The following AASS variants were observed in gnomAD, a reference collection of about 807,000 sequenced individuals.
AASS encodes alpha-aminoadipic semialdehyde synthase, mitochondrial.
A neutral mutation model predicts 105.4 loss-of-function variants in AASS; 86 were observed. The ratio of observed to expected loss-of-function variants is 0.82; its 90% CI spans 0.69 to 0.98. The LOEUF is 0.98. Ranked by LOEUF, AASS falls within the 50% of genes least tolerant of loss-of-function variation. The probability of loss-of-function intolerance (pLI) is 0.00; values close to 1 mark genes in which losing one functional copy is unlikely to be tolerated. For synonymous variants in AASS, 381 were observed against 394.8 expected, an observed-to-expected ratio of 0.96 and a Z score of 0.41; for missense variants, 1,048 against 1,143.2, an observed-to-expected ratio of 0.92 and a Z score of 1.20.
At position 122,077,993 on chromosome 7, in the gene AASS, A is replaced by T; in HGVS notation, c.2507T>A (p.Ile836Asn). 1 of 1,614,122 alleles carries T rather than the reference A, an allele frequency of 6.2e-7. No homozygotes were observed. Among genetic ancestry groups the T allele is most frequent in the South Asian group, 1.1e-5 (1 of 91,084 alleles). Residue 836 changes from isoleucine (I) to asparagine (N), a missense_variant, in exon 23 of 24, where the codon ATT (isoleucine) becomes AAT (asparagine). Physicochemically the swap from Ile to Asn is moderately radical, Grantham distance 149. Coordinates refer to ENST00000417368, the MANE Select transcript of AASS (RefSeq NM_005763.4). ...GATTCCAAAGCTGTCTCTCATCACAATCATATCTTTTTCTTCAGGACCTTA... is the reference window on the plus strand; with the variant it reads ...GATTCCAAAGCTGTCTCTCATCACATTCATATCTTTTTCTTCAGGACCTTA... ...LSYGPEEKDM[I>N]VMRDSFGIRH...
intron 1 of AASS, among the ~76,000 whole-genome samples, chr7:122,139,881 G>A (rs1796308009): frequency 6.6e-6 from 1 of 151,964 alleles, no homozygotes; most frequent in Non-Finnish European, 1.5e-5. Context: ...GAGCCCAGGA[G>A]GCGAAGTTTG....
Position 122,116,934 on chromosome 7 carries a change from C to A in AASS, c.711G>T (p.Glu237Asp), listed in dbSNP as rs367559748. 1 of 1,613,890 alleles carries A rather than the reference C, an allele frequency of 6.2e-7. No homozygotes were observed. Among genetic ancestry groups the A allele is most frequent in the East Asian group, 2.2e-5 (1 of 44,862 alleles). ...VSKGAQAIFN[E>D]LPCEYVEPHE... ...GGGGCTCCACATATTCACAAGGTAGCTCATTAAAGATTGCTTGGGCTCCCT... is the reference window on the plus strand; with the variant it reads ...GGGGCTCCACATATTCACAAGGTAGATCATTAAAGATTGCTTGGGCTCCCT... Residue 237 changes from glutamate (E) to aspartate (D), a missense_variant, in exon 7 of 24, where the codon GAG (glutamate) becomes GAT (aspartate). Physicochemically the swap from Glu to Asp is conservative, Grantham distance 45. Transcript: ENST00000417368.
At position 122,088,326 on chromosome 7, in the gene AASS, G is replaced by A. The variant is rs142460696; in HGVS notation, c.2017-2147C>T. 2.7e-3 allele frequency among the ~76,000 whole-genome samples: 411 copies of A among 152,028 alleles called. 3 individuals are homozygous for A. Among genetic ancestry groups the A allele is most frequent in the Non-Finnish European group, 2.8e-3 (190 of 67,972 alleles). On this transcript the variant is annotated intron_variant, in intron 18 of 23. Coordinates refer to ENST00000417368, the MANE Select transcript of AASS (RefSeq NM_005763.4). Reference sequence around the variant, plus strand: ...TAAGCTTGATCACTAAACTAATAAGGAAATATACAATCATTTTTTCAGGGC... The same window carrying A: ...TAAGCTTGATCACTAAACTAATAAGAAAATATACAATCATTTTTTCAGGGC...
chr7:122,125,540 T>C (rs1030547837), intron 4 of AASS, among the ~76,000 whole-genome samples: 1 of 152,238 alleles, frequency 6.6e-6, no homozygotes, highest in Admixed American at 6.5e-5. Context: ...CGGTTTCCAT[T>C]GGCTGGAACG....
intron 3 of AASS, among the ~76,000 whole-genome samples, chr7:122,128,513 T>C (rs1239298792): frequency 1.3e-5 from 2 of 152,162 alleles, no homozygotes. Flanking sequence ...TCTCCTTCAA[T>C]ATTATATTTA....
intron 11 of AASS, among the ~76,000 whole-genome samples, chr7:122,109,986 G>A (rs1014850840): frequency 2.0e-5 from 3 of 151,864 alleles, no homozygotes; most frequent in South Asian, 2.1e-4. Flanking sequence ...TCAAAAATGG[G>A]CTGTACTCAA....
Position 122,118,407 on chromosome 7 carries a change from T to C in AASS, c.587A>G (p.Gln196Arg), listed in dbSNP as rs1229079955. The C allele has an allele frequency of 6.2e-7, 1 of 1,614,200 alleles. No homozygotes were observed. The highest frequency in any genetic ancestry group is 1.1e-5 in the South Asian group (1 of 91,092). ...HNYRNSSQAVQAVRDAGYEIS... is the reference protein window; with the variant it reads ...HNYRNSSQAVRAVRDAGYEIS... ...TTCATAGCCAGCATCACGGACAGCT[T>C]GCACAGCCTGACTGCTATTCCTGTA... The change falls in exon 6 of 24, where the codon CAA becomes CGA. Residue 196 changes from glutamine (Q) to arginine (R), a missense_variant. Coordinates refer to ENST00000417368, the MANE Select transcript of AASS (RefSeq NM_005763.4).
Position 122,086,131 on chromosome 7 carries a change from T to C in AASS, c.2065A>G (p.Met689Val). The C allele has an allele frequency of 6.2e-7, 1 of 1,613,590 alleles. No homozygotes were observed. The highest frequency in any genetic ancestry group is 8.5e-7 in the Non-Finnish European group (1 of 1,179,806). ...GISFLDAVTS[M>V]DFFPGLNLEG... ...AAATTTAATCCTGGAAAAAAATCCA[T>C]GGACGTAACGGCATCAAGAAAGGAG... Residue 689 changes from methionine (M) to valine (V), a missense_variant, in exon 19 of 24, where the codon ATG (methionine) becomes GTG (valine). By Grantham distance (21) the Met-to-Val change is conservative. Transcript: ENST00000417368.
rs1402522527 is a variant in AASS, at chr7:122,133,455, G to A, written c.210+62C>T. On this transcript the variant is annotated intron_variant, in intron 2 of 23. Coordinates refer to ENST00000417368, the MANE Select transcript of AASS (RefSeq NM_005763.4). ...GCAAACATTTTATTTTCACTCAGATGCTCCTTAATTTTCATATGCAGGTTC... is the reference window on the plus strand; with the variant it reads ...GCAAACATTTTATTTTCACTCAGATACTCCTTAATTTTCATATGCAGGTTC... 7 of 1,537,646 alleles carry A rather than the reference G, an allele frequency of 4.6e-6. No individual in the cohort carries two copies. In the African/African-American group the frequency reaches 8.2e-5, roughly 18 times the overall value.
rs200584594 is a variant in AASS, at chr7:122,076,365, A to G, written c.*124T>C. The G allele has an allele frequency of 1.3e-6, 1 of 750,078 alleles. No homozygotes were observed. Among genetic ancestry groups the G allele is most frequent in the East Asian group, 2.5e-5 (1 of 40,714 alleles). 46.5% of individuals were successfully genotyped at this position (750,078 alleles called of 1,614,324 possible). On this transcript the variant is annotated 3_prime_UTR_variant, in exon 24 of 24. Transcript: ENST00000417368. ...AATAAAGATTTATAGTTCAAAAAGTACATTGTGTTAACCAAAACATATTAT... is the reference window on the plus strand; with the variant it reads ...AATAAAGATTTATAGTTCAAAAAGTGCATTGTGTTAACCAAAACATATTAT...
Position 122,093,029 on chromosome 7 carries a change from T to C in AASS, c.1766+19A>G. 1 of 1,612,074 alleles carries C rather than the reference T, an allele frequency of 6.2e-7. No individual in the cohort carries two copies. The highest frequency in any genetic ancestry group is 8.5e-7 in the Non-Finnish European group (1 of 1,178,166). On this transcript the variant is annotated intron_variant, in intron 16 of 23. Coordinates refer to ENST00000417368, the MANE Select transcript of AASS (RefSeq NM_005763.4). ...ATGCCATGGATCCACTCAGTTTGTT[T>C]AAAATGATTAAAACTTACCTCTTTT...
chr7:122,090,862 T>C (rs1259340726), intron 18 of AASS, among the ~76,000 whole-genome samples: 3 of 152,092 alleles, frequency 2.0e-5, no homozygotes, highest in Non-Finnish European at 4.4e-5. Context: ...CTAACATCCC[T>C]GCCTAGCTGG....
chr7:122,085,605 T>C (rs1317826178), intron 19 of AASS, among the ~76,000 whole-genome samples: 2 of 152,096 alleles, frequency 1.3e-5, no homozygotes, highest in African/African-American at 2.4e-5. Context: ...ACAAAAATCG[T>C]ATTTTTGGCT....
chr7:122,078,054 T>C, intron 22 of AASS, 40 bp from the exon 23 acceptor site: 10 of 1,582,760 alleles, frequency 6.3e-6, no homozygotes, highest in Non-Finnish European at 8.7e-6. Flanking sequence ...CCACTATCAT[T>C]ACAACTCAAA....
intron 8 of AASS, 45 bp from the exon 9 acceptor site, chr7:122,115,267 T>A: frequency 1.2e-6 from 2 of 1,601,890 alleles, no homozygotes; most frequent in Non-Finnish European, 1.7e-6. Context: ...AATAGCCTAT[T>A]TTAATACAGT....
At chr7:122,104,933 G>T (rs1794597928) in intron 11 of AASS, among the ~76,000 whole-genome samples, 1 of 151,340 alleles carries the variant, frequency 6.6e-6, no homozygotes, top group South Asian at 2.1e-4. Context: ...TAAAATAAAA[G>T]TTGCAAAGAG....
At chr7:122,121,775 CA>C (rs1339403445) in intron 4 of AASS, among the ~76,000 whole-genome samples, 1 of 152,118 alleles carries the variant, frequency 6.6e-6, no homozygotes, top group Non-Finnish European at 1.5e-5. Context: ...TCCATGTTTT[CA>C]ACTGACTTCA....
intron 1 of AASS, among the ~76,000 whole-genome samples, chr7:122,142,470 C>T (rs777985589): frequency 6.6e-6 from 1 of 152,022 alleles, no homozygotes; most frequent in Non-Finnish European, 1.5e-5. Context: ...CCCAATAAGC[C>T]CTCTCTTCAA....
intron 3 of AASS, among the ~76,000 whole-genome samples, chr7:122,128,011 C>A (rs186912183): frequency 3.1e-4 from 47 of 152,334 alleles, no homozygotes; most frequent in African/African-American, 1.1e-3. Flanking sequence ...GTAATGGCAT[C>A]ATGTCATTCC....
Sources: gnomAD v4.1 joint callset for allele counts (sites outside exome capture counted in the v4.1 genomes callset) on GRCh38, gnomAD v4.1.1 for gene constraint, MANE v1.5 for transcripts, NCBI Gene and HGNC (gene_info 2026-07-23, HGNC 2026-07-21) for gene names.